Variants in MYH8 observed in about 807,000 individuals in gnomAD.
MYH8 encodes myosin-8.
MYH8 carries 168 observed loss-of-function variants against 233.2 expected under a neutral mutation model. The observed-to-expected ratio is 0.72, with a 90% CI of 0.64 to 0.82. The LOEUF (loss-of-function observed/expected upper bound fraction) is 0.82. Ranked by LOEUF, MYH8 falls within the 40% of genes least tolerant of loss-of-function variation. MYH8 has a pLI of 0.00. For missense variants in MYH8, 1,995 were observed against 2,327.8 expected (o/e 0.86, Z 2.94); for synonymous variants, 785 against 850.6 (o/e 0.92, Z 1.34).
At position 10,396,529 on chromosome 17, in the gene MYH8, G is replaced by A. The variant is rs551320015; in HGVS notation, c.4528+24C>T. On this transcript the variant is annotated intron_variant, in intron 32 of 39. Transcript: ENST00000403437. The surrounding 1 kb of genome is among the most constrained non-coding windows in gnomAD (Gnocchi z 4.2). ...AAAGGTCCTCCCAGGGATATATGGA[G>A]TAGGGAGGACTGTGAGGACTCACGT... The A allele has an allele frequency of 1.1e-5, 18 of 1,613,734 alleles. No individual in the cohort carries two copies. Among genetic ancestry groups the A allele is most frequent in the Non-Finnish European group, 1.4e-5 (17 of 1,179,850 alleles).
In MYH8 at chr17:10,420,199, G is replaced by A; in HGVS notation, c.29C>T (p.Ala10Val). The A allele has an allele frequency of 6.2e-7, 1 of 1,613,598 alleles. No homozygotes were observed. Among genetic ancestry groups the A allele is most frequent in the Non-Finnish European group, 8.5e-7 (1 of 1,180,044 alleles). ...GTAGGGAGCAGCTTCGCCAAAAACA[G>A]CCATCTCAGCGTCTGAGCTCGCACT... MSASSDAEM[A>V]VFGEAAPYLR... is the part of the protein sequence containing the mutation. Residue 10 changes from alanine to valine, a missense_variant, in exon 3 of 40, where the codon GCT becomes GTT. Transcript: ENST00000403437.
rs373333893 is a variant in MYH8, at chr17:10,406,725, G to C, written c.2136C>G (p.Phe712Leu). Residue 712 changes from phenylalanine (F) to leucine (L), a missense_variant, in exon 19 of 40, where the codon TTC becomes TTG. Phe to Leu is a conservative substitution (Grantham distance 22). This residue lies in a region of MYH8 where 1,498 missense variants were observed against 1,680.9 expected (regional missense o/e 0.89). Coordinates refer to ENST00000403437, the MANE Select transcript of MYH8 (RefSeq NM_002472.3). Reference protein sequence around the residue: ...LEGIRICRKGFPSRILYGDFK... With the variant: ...LEGIRICRKGLPSRILYGDFK... ...AATCACCATATAAGATTCTGCTTGGGAATCCTTTCCTACAGATGCGGATGC... is the reference window on the plus strand; with the variant it reads ...AATCACCATATAAGATTCTGCTTGGCAATCCTTTCCTACAGATGCGGATGC... 1.2e-5 allele frequency: 20 copies of C among 1,613,926 alleles called. No individual in the cohort carries two copies. The African/African-American group carries it at 2.7e-4, about 22-fold the overall frequency.
chr17:10,393,118 A>G lies in MYH8; in HGVS notation c.5259T>C (p.Asn1753=). The G allele has an allele frequency of 6.2e-7, 1 of 1,614,156 alleles. No homozygotes were observed. Among genetic ancestry groups the G allele is most frequent in the East Asian group, 2.2e-5 (1 of 44,878 alleles). ...TGGCCTTCTTGGCTTTCTCTTCTGC[A>G]TTGCGTGATTCTTGGATTACTTCTT... The part of the protein sequence containing the change: ...EVEEVIQESR[N]AEEKAKKAIT... Residue 1753 remains asparagine (N), a synonymous_variant, in exon 36 of 40, where the codon AAT becomes AAC. Coordinates refer to ENST00000403437, the MANE Select transcript of MYH8 (RefSeq NM_002472.3).
Position 10,415,361 on chromosome 17 carries a change from G to T in MYH8, c.672C>A (p.Ile224=). The change falls in exon 8 of 40, where the codon ATC becomes ATA. Residue 224 remains isoleucine, a synonymous_variant. Transcript: ENST00000403437. The surrounding 1 kb of genome is among the most constrained non-coding windows in gnomAD (Gnocchi z 4.1). ...AGGCCTCCAGTAGGGGATTGGCGCT[G>T]ATGATTTGATCTTCCAGAGTCCCCT... ...KMQGTLEDQI[I]SANPLLEAFG... 5 of 1,614,194 alleles carry T rather than the reference G, an allele frequency of 3.1e-6. No homozygotes were observed. The highest frequency in any genetic ancestry group is 4.2e-6 in the Non-Finnish European group (5 of 1,180,008).
Position 10,420,140 on chromosome 17 carries a change from G to A in MYH8, c.88C>T (p.Gln30Ter). Residue 30 changes from glutamine to a stop codon, truncating the protein, a stop_gained, in exon 3 of 40, where the codon CAA becomes TAA. Coordinates refer to ENST00000403437, the MANE Select transcript of MYH8 (RefSeq NM_002472.3). LOFTEE classifies it high-confidence loss of function. ...GTTTTAGCATCAAACGGCTTGTTTT[G>A]GGCCTCAATCCGCTCCTTTTCTGAT... The part of the protein sequence containing the change: ...RKSEKERIEA[Q>*]NKPFDAKTSV... 6.2e-7 allele frequency: 1 copy of A among 1,614,188 alleles called. No individual in the cohort carries two copies. The highest frequency in any genetic ancestry group is 2.2e-5 in the East Asian group (1 of 44,884).
chr17:10,410,879 G>A lies in MYH8; in HGVS notation c.1485C>T (p.His495=). Residue 495 remains histidine, a synonymous_variant, in exon 15 of 40, where the codon CAC becomes CAT. Coordinates refer to ENST00000403437, the MANE Select transcript of MYH8 (RefSeq NM_002472.3). ...NEKLQQFFNH[H]MFVLEQEEYK... ...ACTCCTCCTGCTCTAGCACAAACAT[G>A]TGGTGGTTGAAAAACTGTTGCAGTT... is the stretch of plus-strand genomic sequence containing the variant. 1 of 1,614,006 alleles carries A rather than the reference G, an allele frequency of 6.2e-7. No individual in the cohort carries two copies. Among genetic ancestry groups the A allele is most frequent in the South Asian group, 1.1e-5 (1 of 91,042 alleles).
chr17:10,412,701 C>A lies in MYH8; in HGVS notation c.1175G>T (p.Ser392Ile). ...EVADKAAYLQ[S>I]LNSADLLKAL... Reference sequence around the variant, plus strand: ...TTTGAGTAGGTCTGCAGAGTTCAGACTCTGGAGATAGGCTGCCTTGTCAGC... The same window carrying A: ...TTTGAGTAGGTCTGCAGAGTTCAGAATCTGGAGATAGGCTGCCTTGTCAGC... Residue 392 changes from serine to isoleucine, a missense_variant, in exon 13 of 40, where the codon AGT becomes ATT. Ser to Ile is a moderately radical substitution (Grantham distance 142). Transcript: ENST00000403437. 3 of 1,614,210 alleles carry A rather than the reference C, an allele frequency of 1.9e-6. No homozygotes were observed. The highest frequency in any genetic ancestry group is 2.5e-6 in the Non-Finnish European group (3 of 1,180,032).
rs762432931 is a variant in MYH8 at position 10,415,382 on chromosome 17, C to T, written c.651G>A (p.Gly217=). 71 of 1,614,012 alleles carry T rather than the reference C, an allele frequency of 4.4e-5. No individual in the cohort carries two copies. Among genetic ancestry groups the T allele is most frequent in the Non-Finnish European group, 5.8e-5 (68 of 1,180,004 alleles). Residue 217 remains glycine (G), a splice_region_variant and synonymous_variant, in exon 8 of 40, where the codon GGG becomes GGA. Transcript: ENST00000403437. This position sits in a 1 kb window ranked among gnomAD's most constrained non-coding sequence, Gnocchi z 4.1. The part of the protein sequence containing the change: ...KKKDESGKMQ[G]TLEDQIISAN... ...CGCTGATGATTTGATCTTCCAGAGTCCCCTGCAAAGGAAGGAGCAGTTCTC... is the reference window on the plus strand; with the variant it reads ...CGCTGATGATTTGATCTTCCAGAGTTCCCTGCAAAGGAAGGAGCAGTTCTC...
In MYH8 at chr17:10,421,127, T is replaced by C. The variant is rs537231137; in HGVS notation, c.-31+536A>G. 2.1e-4 allele frequency among the ~76,000 whole-genome samples: 32 copies of C among 152,312 alleles called. No individual in the cohort carries two copies. The South Asian group carries it at 6.4e-3, about 31-fold the overall frequency. The stretch of plus-strand genomic sequence containing the variant: ...GGTTGAGTTTTTCCTTTATTTTCAA[T>C]TAGAAAGTTACTTAGGGAAGGGCAG... On this transcript the variant is annotated intron_variant, in intron 2 of 39. Transcript: ENST00000403437.
intron 38 of MYH8, 100 bp from the exon 39 acceptor site, chr17:10,392,077 G>C: frequency 3.2e-6 from 3 of 948,918 alleles, no homozygotes; most frequent in Non-Finnish European, 5.2e-6. Context: ...GTGGGCCTGG[G>C]GTAAACTTGA....
rs2072142708 is a variant in MYH8 at position 10,401,527 on chromosome 17, A to T, written c.2931+16T>A. The T allele has an allele frequency of 3.1e-6, 5 of 1,614,090 alleles. No homozygotes were observed. The highest frequency in any genetic ancestry group is 3.3e-5 in the Admixed American group (2 of 60,008). Reference sequence around the variant, plus strand: ...TGGCAGAACCTCTATACAGTATTGTAAAATATGACTGATACCTTGTTCTCC... The same window carrying T: ...TGGCAGAACCTCTATACAGTATTGTTAAATATGACTGATACCTTGTTCTCC... On this transcript the variant is annotated intron_variant, in intron 23 of 39. Transcript: ENST00000403437.
At position 10,401,432 on chromosome 17, in the gene MYH8, T is replaced by A; in HGVS notation, c.2951A>T (p.Glu984Val). 6.2e-7 allele frequency: 1 copy of A among 1,614,044 alleles called. No homozygotes were observed. Among genetic ancestry groups the A allele is most frequent in the Non-Finnish European group, 8.5e-7 (1 of 1,180,008 alleles). ...AATGGTTTCATCCAGGCCTGCCATC[T>A]CTTCTGTAAGATTTTTCACCTACAA... ...TENKVKNLTE[E>V]MAGLDETIAK... The change falls in exon 24 of 40, where the codon GAG becomes GTG. Residue 984 changes from glutamate (E) to valine (V), a missense_variant. Around this residue, in one of 3 missense-constraint regions of MYH8, gnomAD observed 1,498 missense variants for 1,680.9 expected, o/e 0.89. Transcript: ENST00000403437.
Position 10,415,158 on chromosome 17 carries a change from A to T in MYH8, c.763T>A (p.Phe255Ile), listed in dbSNP as rs1182760779. 4.3e-6 allele frequency: 7 copies of T among 1,613,342 alleles called. No homozygotes were observed. The African/African-American group carries it at 9.3e-5, about 22-fold the overall frequency. ...GATGCCAGCTTCCCTGTAGTACCAA[A>T]GTGGATTCTAATGAATTTACCCTTG... ...SRFGKFIRIH[F>I]GTTGKLASAD... The change falls in exon 9 of 40, where the codon TTT becomes ATT. Residue 255 changes from phenylalanine to isoleucine, a missense_variant. By Grantham distance (21) the Phe-to-Ile change is conservative (BLOSUM62 0). This residue lies in a region of MYH8 where 479 missense variants were observed against 600.9 expected (regional missense o/e 0.80). Transcript: ENST00000403437. This position sits in a 1 kb window ranked among gnomAD's most constrained non-coding sequence, Gnocchi z 4.1.
At position 10,400,151 on chromosome 17, in the gene MYH8, C is replaced by G. The variant is rs2072122691; in HGVS notation, c.3735+239G>C. Among the ~76,000 whole-genome samples, 2 of 151,994 alleles carry G rather than the reference C, an allele frequency of 1.3e-5. No homozygotes were observed. Reference sequence around the variant, plus strand: ...CCGGGAGGCGGAGCTTGCAGTGAGCCGAGATTGCGCCACTGCACTTCAGCC... The same window carrying G: ...CCGGGAGGCGGAGCTTGCAGTGAGCGGAGATTGCGCCACTGCACTTCAGCC... On this transcript the variant is annotated intron_variant, in intron 27 of 39. Coordinates refer to ENST00000403437, the MANE Select transcript of MYH8 (RefSeq NM_002472.3). This position sits in a 1 kb window ranked among gnomAD's most constrained non-coding sequence, Gnocchi z 4.0.
At chr17:10,412,165 T>C (rs1408420964) in intron 14 of MYH8, among the ~76,000 whole-genome samples, 2 of 152,212 alleles carry the variant, frequency 1.3e-5, no homozygotes, top group Non-Finnish European at 2.9e-5. Context: ...CGTTTTGAAG[T>C]CCCTAGTGTA....
Position 10,401,646 on chromosome 17 carries a change from T to A in MYH8, c.2828A>T (p.Lys943Met), listed in dbSNP as rs764443529. ...EEINAELTAKKRKLEDECSEL... is the reference protein window; with the variant it reads ...EEINAELTAKMRKLEDECSEL... Reference sequence around the variant, plus strand: ...TGAACATTCATCCTCCAGTTTTCTCTTCTTGGCTGTCAGCTCAGCATTGAT... The same window carrying A: ...TGAACATTCATCCTCCAGTTTTCTCATCTTGGCTGTCAGCTCAGCATTGAT... Residue 943 changes from lysine (K) to methionine (M), a missense_variant, in exon 23 of 40, where the codon AAG (lysine) becomes ATG (methionine). Around this residue, in one of 3 missense-constraint regions of MYH8, gnomAD observed 1,498 missense variants for 1,680.9 expected, o/e 0.89. Transcript: ENST00000403437. The A allele has an allele frequency of 6.2e-7, 1 of 1,614,160 alleles. No individual in the cohort carries two copies. The highest frequency in any genetic ancestry group is 8.5e-7 in the Non-Finnish European group (1 of 1,180,030).
In MYH8 at chr17:10,396,234, T is replaced by G; in HGVS notation, c.4653+96A>C. 6.9e-7 allele frequency: 1 copy of G among 1,445,538 alleles called. No homozygotes were observed. The highest frequency in any genetic ancestry group is 1.9e-5 in the Admixed American group (1 of 53,376). The allele number at this position is 1,445,538 out of a possible 1,614,324, so 89.5% of individuals were successfully genotyped here. On this transcript the variant is annotated intron_variant, in intron 33 of 39. Transcript: ENST00000403437. The surrounding 1 kb of genome is among the most constrained non-coding windows in gnomAD (Gnocchi z 4.2). ...ATAACTATTGCCAAGTTGTCCTTCA[T>G]AAAGATCCTGTGAGTTTAAATTATC...
In MYH8 at chr17:10,400,825, G is replaced by T; in HGVS notation, c.3345+44C>A. On this transcript the variant is annotated intron_variant, in intron 26 of 39. Transcript: ENST00000403437. This position sits in a 1 kb window ranked among gnomAD's most constrained non-coding sequence, Gnocchi z 4.0. ...TAAACATAAACTCATCTCAACTTCA[G>T]TGTTTTTTTGGTGTGCAGAAAAAAT... 6.2e-7 allele frequency: 1 copy of T among 1,613,848 alleles called. No homozygotes were observed. The highest frequency in any genetic ancestry group is 1.1e-5 in the South Asian group (1 of 91,082).
intron 12 of MYH8, among the ~76,000 whole-genome samples, chr17:10,413,222 GT>G (rs763880818): frequency 7.9e-5 from 12 of 152,242 alleles, no homozygotes; most frequent in Admixed American, 2.0e-4. Context: ...CTAAAATTCT[GT>G]CGGTGACTAT....
Sources: allele counts gnomAD v4.1 joint callset (sites outside exome capture counted in the v4.1 genomes callset), GRCh38; gene constraint gnomAD v4.1.1; regional missense constraint gnomAD v4.1.1; non-coding constraint Gnocchi (gnomAD v3.1); transcripts MANE v1.5; gene names NCBI Gene and HGNC (gene_info 2026-07-23, HGNC 2026-07-21).